Variants in KCP observed in about 807,000 individuals in gnomAD.
KCP encodes the protein kielin/chordin-like protein.
KCP carries 194 observed loss-of-function variants against 212.7 expected under a neutral mutation model. The ratio of observed to expected loss-of-function variants is 0.91; its 90% CI spans 0.81 to 1.03. KCP has a LOEUF of 1.03. Ranked by LOEUF, KCP falls within the 50% of genes least tolerant of loss-of-function variation. The probability of loss-of-function intolerance (pLI) is 0.00; values close to 1 mark genes in which losing one functional copy is unlikely to be tolerated. For synonymous variants in KCP, 833 were observed against 865.3 expected, an observed-to-expected ratio of 0.96 and a Z score of 0.65; for missense variants, 2,080 against 2,162.5, an observed-to-expected ratio of 0.96 and a Z score of 0.76.
rs1441753155 is a variant in KCP at position 128,891,784 on chromosome 7, C to T, written c.1657G>A (p.Glu553Lys). ...ILEEEVFVDGESFSHPRDPCQ... is the reference protein window; with the variant it reads ...ILEEEVFVDGKSFSHPRDPCQ... ...GGGTCTCGGGGGTGGGAGAAGCTCT[C>T]GCCGTCCACAAACACCTCTTCCTCC... The change falls in exon 17 of 40, where the codon GAG becomes AAG. Residue 553 changes from glutamate to lysine, a missense_variant. Transcript: ENST00000610776. The T allele has an allele frequency of 2.1e-6, 3 of 1,448,678 alleles. No individual in the cohort carries two copies. Among genetic ancestry groups the T allele is most frequent in the African/African-American group, 1.4e-5 (1 of 69,240 alleles). 89.7% of individuals were successfully genotyped at this position (1,448,678 alleles called of 1,614,324 possible).
At chr7:128,890,086 T>G in intron 21 of KCP, 6 of 538,378 alleles carry the variant, frequency 1.1e-5, no homozygotes. Flanking sequence ...GACCAGCTGA[T>G]TTTAAATTTT....
intron 5 of KCP, among the ~76,000 whole-genome samples, chr7:128,904,894 G>T (rs1272127148): frequency 6.6e-6 from 1 of 152,254 alleles, no homozygotes; most frequent in Non-Finnish European, 1.5e-5. Flanking sequence ...ACAGATGGAA[G>T]TAGTGTCTTG....
At position 128,891,769 on chromosome 7, in the gene KCP, G is replaced by A. The variant is rs1444952959; in HGVS notation, c.1672C>T (p.Pro558Ser). ...CGGCACTCCTGGCAGGGGTCTCGGG[G>A]GTGGGAGAAGCTCTCGCCGTCCACA... ...VFVDGESFSH[P>S]RDPCQECRCQ... The change falls in exon 17 of 40, where the codon CCC becomes TCC. Residue 558 changes from proline to serine, a missense_variant. Pro to Ser is a moderately conservative substitution (Grantham distance 74). Coordinates refer to ENST00000610776, the MANE Select transcript of KCP (RefSeq NM_001366122.1). The A allele has an allele frequency of 1.4e-5, 20 of 1,450,320 alleles. No homozygotes were observed. The highest frequency in any genetic ancestry group is 1.7e-5 in the Non-Finnish European group (19 of 1,099,578). The allele number at this position is 1,450,320 out of a possible 1,614,324, so 89.8% of individuals were successfully genotyped here. A position where few individuals can be genotyped will look rare whatever the true frequency, so the allele number is the denominator to read the frequency against.
intron 22 of KCP, among the ~76,000 whole-genome samples, chr7:128,887,684 TAC>T (rs1451288253): frequency 1.8e-5 from 2 of 114,134 alleles, no homozygotes; most frequent in African/African-American, 6.9e-5. Context: ...CACACACACA[TAC>T]ACACATATAC....
rs1794026055 is a variant in KCP at position 128,890,477 on chromosome 7, TC to T, written c.2200del (p.Glu734SerfsTer20). The part of the protein sequence containing the change: ...LYQGKEFASG[E>X]RFPSPTAACH... ...GGCAGCAGTGGGCGATGGGAAGCGC[TC>T]CCCGCTGGCAAACTCCTTCCCCTGG... On this transcript the variant is annotated frameshift_variant, in exon 21 of 40. Transcript: ENST00000610776. LOFTEE classifies it high-confidence loss of function. 1.9e-6 allele frequency: 3 copies of T among 1,549,812 alleles called. No individual in the cohort carries two copies. The highest frequency in any genetic ancestry group is 2.0e-5 in the Admixed American group (1 of 50,944).
intron 7 of KCP, 99 bp from the exon 8 acceptor site, chr7:128,902,958 C>G (rs771393972): frequency 1.8e-5 from 16 of 891,582 alleles, no homozygotes; most frequent in Non-Finnish European, 2.7e-5. Context: ...CCTCTGAGGG[C>G]TCTCTCCCGA....
chr7:128,889,178 A>C, intron 21 of KCP, 139 bp from the exon 22 acceptor site: 2 of 238,912 alleles, frequency 8.4e-6, no homozygotes, highest in African/African-American at 2.5e-5. Context: ...TCACAGGCCA[A>C]GCCCAGGGGG....
rs570615867 is a variant in KCP, at chr7:128,884,784, G to T, written c.3120C>A (p.Cys1040Ter). The change falls in exon 28 of 40, where the codon TGC becomes TGA. Residue 1040 changes from cysteine to a stop codon, truncating the protein, a stop_gained. Coordinates refer to ENST00000610776, the MANE Select transcript of KCP (RefSeq NM_001366122.1). LOFTEE classifies it high-confidence loss of function. ...CCACCACTGTGCCCTCACCTACCTC[G>T]CAGATGCACACTTCACAGGGGTCTG... ...PGADPCEVCICEPQPEGPPSL... is the reference protein window; with the variant it reads ...PGADPCEVCI 1.9e-6 allele frequency: 3 copies of T among 1,550,872 alleles called. No homozygotes were observed. The highest frequency in any genetic ancestry group is 2.0e-5 in the Admixed American group (1 of 51,000).
rs1794136160 is a variant in KCP, at chr7:128,891,537, G to GGGGA, written c.1796-8_1796-5dup. ...TCTTTCCCGCCAAAGGCACAGCCTG[G>GGGGA]GGGAGGGAGGGGCTATAGCCTGGGA... is the stretch of plus-strand genomic sequence containing the variant. On this transcript the variant is annotated splice_polypyrimidine_tract_variant and splice_region_variant and intron_variant, in intron 17 of 39. Transcript: ENST00000610776. The GGGGA allele has an allele frequency of 6.5e-7, 1 of 1,547,278 alleles. No individual in the cohort carries two copies. Among genetic ancestry groups the GGGGA allele is most frequent in the Non-Finnish European group, 8.7e-7 (1 of 1,144,656 alleles).
chr7:128,878,069 T>TC (rs1172547634), intron 38 of KCP, among the ~76,000 whole-genome samples: 1 of 151,720 alleles, frequency 6.6e-6, no homozygotes, highest in Non-Finnish European at 1.5e-5. Flanking sequence ...TTTTTTTTTT[T>TC]TTTTGAGACA....
In KCP at chr7:128,881,035, G is replaced by T; in HGVS notation, c.3475C>A (p.Arg1159=). The change falls in exon 32 of 40, where the codon CGG becomes AGG. Residue 1159 remains arginine (R), a synonymous_variant. Coordinates refer to ENST00000610776, the MANE Select transcript of KCP (RefSeq NM_001366122.1). ...GRRVADGESW[R]DPSNACIACT... is the part of the protein sequence containing the mutation. ...GCGATGCACGCATTGCTGGGGTCCC[G>T]CCAGCTCTCTCCATCTGCCACTCTC... 2.5e-6 allele frequency: 1 copy of T among 398,812 alleles called. No individual in the cohort carries two copies. Among genetic ancestry groups the T allele is most frequent in the Non-Finnish European group, 4.4e-6 (1 of 226,252 alleles). The allele number at this position is 398,812 out of a possible 1,614,324, so 24.7% of individuals were successfully genotyped here.
chr7:128,902,021 G>A (rs1397451561), intron 8 of KCP, among the ~76,000 whole-genome samples: 1 of 152,172 alleles, frequency 6.6e-6, no homozygotes, highest in Non-Finnish European at 1.5e-5. Context: ...GAAATACAAT[G>A]TTAACCACTT....
Position 128,877,398 on chromosome 7 carries a change from G to A in KCP, c.4618+86C>T, listed in dbSNP as rs556588962. The A allele has an allele frequency of 2.7e-3, 4,161 of 1,526,664 alleles. 141 individuals are homozygous for A. In the South Asian group the frequency reaches 0.047, roughly 17 times the overall value. The allele number at this position is 1,526,664 out of a possible 1,614,324, so 94.6% of individuals were successfully genotyped here. On this transcript the variant is annotated intron_variant, in intron 39 of 39. Transcript: ENST00000610776. ...TACCCCTGCGAGACTCGCCATACCCGGCCTGGTCCTGCCCTGAGCCCTCCG... is the reference window on the plus strand; with the variant it reads ...TACCCCTGCGAGACTCGCCATACCCAGCCTGGTCCTGCCCTGAGCCCTCCG...
chr7:128,894,371 TC>T, intron 8 of KCP, 78 bp from the exon 9 acceptor site: 1 of 1,151,580 alleles, frequency 8.7e-7, no homozygotes, highest in Non-Finnish European at 1.2e-6. Context: ...ATCCCAGCTA[TC>T]CACTTATTAG....
At chr7:128,889,425 G>A (rs1390802613) in intron 21 of KCP, among the ~76,000 whole-genome samples, 1 of 152,130 alleles carries the variant, frequency 6.6e-6, no homozygotes, top group Admixed American at 6.5e-5. Context: ...CCTTTCCCAC[G>A]CTCTTCCGAG....
intron 26 of KCP, among the ~76,000 whole-genome samples, chr7:128,885,687 T>C (rs1793607868): frequency 1.3e-5 from 2 of 152,194 alleles, no homozygotes; most frequent in Admixed American, 6.5e-5. Context: ...TCCTCTGTCC[T>C]GCCTCCCTCC....
chr7:128,887,002 C>T, intron 23 of KCP, 36 bp from the exon 24 acceptor site: 2 of 1,160,290 alleles, frequency 1.7e-6, no homozygotes, highest in Non-Finnish European at 2.5e-6. Context: ...CTCAACTGGA[C>T]TGCACATTTC....
At chr7:128,904,414 C>T in intron 5 of KCP, 5 of 1,425,472 alleles carry the variant, frequency 3.5e-6, no homozygotes, top group Non-Finnish European at 4.8e-6. Flanking sequence ...CCCTCCCTTC[C>T]CCCACCATCC....
At chr7:128,910,433 C>T (rs534892042) in intron 1 of KCP, among the ~76,000 whole-genome samples, 168 bp downstream of exon 1, 2 of 152,384 alleles carry the variant, frequency 1.3e-5, no homozygotes, top group African/African-American at 4.8e-5. Flanking sequence ...GTCTTCCCCA[C>T]CCTGCTCGCT....
Sources: allele counts gnomAD v4.1 joint callset (sites outside exome capture counted in the v4.1 genomes callset), GRCh38; gene constraint gnomAD v4.1.1; transcripts MANE v1.5; gene names NCBI Gene and HGNC (gene_info 2026-07-23, HGNC 2026-07-21).